MARK1: variants seen among roughly 807,000 people sequenced by gnomAD.
MARK1 encodes serine/threonine-protein kinase MARK1.
Under a neutral mutation model 96.3 loss-of-function variants are expected in MARK1, and 40 were observed. That is an observed-to-expected ratio of 0.42 (90% CI 0.32 to 0.54). The LOEUF is 0.54. MARK1 is among the 20% of genes least tolerant of loss of function. The pLI is 0.16. For synonymous variants in MARK1, 317 were observed against 341.2 expected, an observed-to-expected ratio of 0.93 and a Z score of 0.78; for missense variants, 719 against 984.6, an observed-to-expected ratio of 0.73 and a Z score of 3.61.
At chr1:220,596,452 T>C (rs1487137701) in intron 3 of MARK1, among the ~76,000 whole-genome samples, 1 of 152,192 alleles carries the variant, frequency 6.6e-6, no homozygotes, top group African/African-American at 2.4e-5. Flanking sequence ...GAATCCACCT[T>C]TATATTTTAT....
At chr1:220,652,985 A>G in intron 15 of MARK1, 116 bp from the exon 16 acceptor site, 1 of 1,207,172 alleles carries the variant, frequency 8.3e-7, no homozygotes, top group Non-Finnish European at 1.2e-6. Flanking sequence ...CTCTAATGTG[A>G]ACAAATAAAG....
At chr1:220,661,524 A>G (rs1403208375) in intron 17 of MARK1, among the ~76,000 whole-genome samples, 1 of 152,216 alleles carries the variant, frequency 6.6e-6, no homozygotes, top group East Asian at 1.9e-4. Context: ...TGAAGAAGGT[A>G]TTAAGTTCTT....
chr1:220,594,232 C>T (rs1665176177), intron 3 of MARK1, among the ~76,000 whole-genome samples: 1 of 152,150 alleles, frequency 6.6e-6, no homozygotes, highest in Admixed American at 6.5e-5. Flanking sequence ...ACAGACACCT[C>T]ATCAAAGAAA....
chr1:220,655,809 A>C (rs530536181), intron 16 of MARK1, among the ~76,000 whole-genome samples: 1 of 152,126 alleles, frequency 6.6e-6, no homozygotes, highest in African/African-American at 2.4e-5. Context: ...TCAGAATACA[A>C]TTCTGTGCCC....
chr1:220,554,748 C>CTTATA (rs1299320625), intron 1 of MARK1, among the ~76,000 whole-genome samples: 2 of 152,160 alleles, frequency 1.3e-5, no homozygotes, highest in African/African-American at 2.4e-5. Flanking sequence ...ATTGGCATAA[C>CTTATA]CAACTTATAA....
chr1:220,563,709 C>G (rs1049012561), intron 1 of MARK1, among the ~76,000 whole-genome samples: 2 of 151,980 alleles, frequency 1.3e-5, no homozygotes, highest in Admixed American at 6.6e-5. Flanking sequence ...TTGTGGTAAC[C>G]TAGGAATACC....
At chr1:220,608,714 C>T (rs1165931231) in intron 6 of MARK1, among the ~76,000 whole-genome samples, 1 of 152,202 alleles carries the variant, frequency 6.6e-6, no homozygotes, top group African/African-American at 2.4e-5. Flanking sequence ...ATTCCCTCTA[C>T]ACACTGCTTT....
chr1:220,560,965 G>C (rs1253236048), intron 1 of MARK1, among the ~76,000 whole-genome samples: 1 of 152,170 alleles, frequency 6.6e-6, no homozygotes, highest in Non-Finnish European at 1.5e-5. Flanking sequence ...TGAGCTTTCA[G>C]GTGCAGATGT....
At chr1:220,601,168 T>A (rs1387262805) in intron 5 of MARK1, among the ~76,000 whole-genome samples, 1 of 152,188 alleles carries the variant, frequency 6.6e-6, no homozygotes, top group Non-Finnish European at 1.5e-5. Flanking sequence ...TCTGCCTGCC[T>A]TGGCCTCCCA....
At chr1:220,555,030 C>T (rs1379969796) in intron 1 of MARK1, among the ~76,000 whole-genome samples, 2 of 152,190 alleles carry the variant, frequency 1.3e-5, no homozygotes, top group Non-Finnish European at 2.9e-5. Context: ...TAGGCTGTAG[C>T]AGATGCTGAG....
intron 1 of MARK1, among the ~76,000 whole-genome samples, chr1:220,540,611 A>G (rs1234836148): frequency 6.6e-6 from 1 of 152,176 alleles, no homozygotes; most frequent in Non-Finnish European, 1.5e-5. Flanking sequence ...CTTCTATGTT[A>G]TCTGATTTGT....
At chr1:220,632,361 A>C (rs1667724362) in intron 11 of MARK1, 48 bp downstream of exon 11, 1 of 803,284 alleles carries the variant, frequency 1.2e-6, no homozygotes, top group Admixed American at 2.7e-5. Context: ...TCTTGAGCTA[A>C]TATATTAGTT....
intron 1 of MARK1, among the ~76,000 whole-genome samples, chr1:220,540,262 TAGTC>T (rs1661039213): frequency 6.6e-6 from 1 of 152,208 alleles, no homozygotes; most frequent in Non-Finnish European, 1.5e-5. Context: ...TGATATAATT[TAGTC>T]TGTGTCTGAA....
chr1:220,653,277 C>T lies in MARK1; in HGVS notation c.1913C>T (p.Thr638Met), dbSNP rs753386148. 12 of 1,614,096 alleles carry T rather than the reference C, an allele frequency of 7.4e-6. No individual in the cohort carries two copies. Among genetic ancestry groups the T allele is most frequent in the Non-Finnish European group, 7.6e-6 (9 of 1,180,058 alleles). ...CCACCTGCTTCACCATCCCATGAAA[C>T]GGGTGCATTTGCACATGCCAGAAGG... ...NGPPASPSHETGAFAHARRGT... is the reference protein window; with the variant it reads ...NGPPASPSHEMGAFAHARRGT... The change falls in exon 16 of 18, where the codon ACG (threonine) becomes ATG (methionine). Residue 638 changes from threonine to methionine, a missense_variant. Transcript: ENST00000366917.
chr1:220,566,914 T>C (rs1353945587), intron 1 of MARK1, among the ~76,000 whole-genome samples: 1 of 152,164 alleles, frequency 6.6e-6, no homozygotes, highest in African/African-American at 2.4e-5. Context: ...ACTTAGAAAC[T>C]AACTACTTAA....
At chr1:220,605,277 T>G (rs1665998990) in intron 6 of MARK1, among the ~76,000 whole-genome samples, 1 of 152,202 alleles carries the variant, frequency 6.6e-6, no homozygotes, top group Non-Finnish European at 1.5e-5. Flanking sequence ...ACCAAAGGTA[T>G]GCATAGCACT....
chr1:220,589,401 C>A (rs1664843173), intron 3 of MARK1, among the ~76,000 whole-genome samples: 1 of 152,112 alleles, frequency 6.6e-6, no homozygotes, highest in Non-Finnish European at 1.5e-5. Flanking sequence ...AAGGAAAATG[C>A]ACATAATTGA....
chr1:220,656,210 C>G (rs2103066874), intron 16 of MARK1, among the ~76,000 whole-genome samples: 1 of 152,326 alleles, frequency 6.6e-6, no homozygotes, highest in Non-Finnish European at 1.5e-5. Flanking sequence ...TGCCTCCTAC[C>G]ATGGCTACTT....
At chr1:220,646,265 A>G (rs910103953) in intron 13 of MARK1, among the ~76,000 whole-genome samples, 7 of 152,204 alleles carry the variant, frequency 4.6e-5, no homozygotes, top group African/African-American at 1.7e-4. Context: ...TACACCAACA[A>G]CAGGCAAGCA....
Sources: gnomAD v4.1 joint callset for allele counts (sites outside exome capture counted in the v4.1 genomes callset) on GRCh38, gnomAD v4.1.1 for gene constraint, MANE v1.5 for transcripts, NCBI Gene and HGNC (gene_info 2026-07-23, HGNC 2026-07-21) for gene names.